The following MFHAS1 variants were observed in gnomAD, a reference collection of about 807,000 sequenced individuals.
MFHAS1 encodes the protein malignant fibrous histiocytoma-amplified sequence 1.
In MFHAS1, 50 loss-of-function variants were observed where a neutral mutation model predicts 70.4. That is an observed-to-expected ratio of 0.71 (90% CI 0.57 to 0.90). The LOEUF is 0.90. MFHAS1 is among the 40% of genes least tolerant of loss of function. MFHAS1 has a pLI of 0.00. For synonymous variants in MFHAS1, 952 were observed against 620.0 expected, an observed-to-expected ratio of 1.54 and a Z score of -7.96; for missense variants, 1,795 against 1,347.6, an observed-to-expected ratio of 1.33 and a Z score of -5.20.
chr8:8,878,457 A>C (rs1809380326), intron 1 of MFHAS1, among the ~76,000 whole-genome samples: 1 of 152,206 alleles, frequency 6.6e-6, no homozygotes, highest in Non-Finnish European at 1.5e-5. Flanking sequence ...AACATGAGAA[A>C]ACGTCAACAT....
At chr8:8,808,219 C>T (rs1396457736) in intron 1 of MFHAS1, among the ~76,000 whole-genome samples, 1 of 150,818 alleles carries the variant, frequency 6.6e-6, no homozygotes, top group Non-Finnish European at 1.5e-5. Flanking sequence ...TGTAGACGCT[C>T]CCCTGGGAAC....
At chr8:8,886,660 C>T (rs1369971886) in intron 1 of MFHAS1, among the ~76,000 whole-genome samples, 1 of 152,104 alleles carries the variant, frequency 6.6e-6, no homozygotes, top group Non-Finnish European at 1.5e-5. Flanking sequence ...TCAAGAGAGA[C>T]AGTAATTTAC....
At chr8:8,796,321 C>T (rs1268874699) in intron 2 of MFHAS1, among the ~76,000 whole-genome samples, 1 of 152,180 alleles carries the variant, frequency 6.6e-6, no homozygotes, top group African/African-American at 2.4e-5. Flanking sequence ...TGACTTTCTG[C>T]AGGCTTTGCT....
intron 1 of MFHAS1, among the ~76,000 whole-genome samples, chr8:8,841,568 G>A (rs539223164): frequency 6.6e-6 from 1 of 152,146 alleles, no homozygotes; most frequent in Non-Finnish European, 1.5e-5. Flanking sequence ...GAATGTAAGA[G>A]GCCTTGTGAG....
In MFHAS1 at chr8:8,892,489, G is replaced by A. The variant is rs751114867; in HGVS notation, c.570C>T (p.His190=). The A allele has an allele frequency of 6.2e-7, 1 of 1,605,962 alleles. No individual in the cohort carries two copies. Among genetic ancestry groups the A allele is most frequent in the African/African-American group, 1.3e-5 (1 of 74,932 alleles). The change falls in exon 1 of 3, where the codon CAC becomes CAT. Residue 190 remains histidine, a synonymous_variant. Coordinates refer to ENST00000276282, the MANE Select transcript of MFHAS1 (RefSeq NM_004225.3). This position sits in a 1 kb window ranked among gnomAD's most constrained non-coding sequence, Gnocchi z 4.7. ...LSRLRTLDVD[H]NQLTAFPRQL... ...GCCGGGGGAAGGCAGTGAGCTGGTT[G>A]TGATCCACGTCCAGGGTGCGCAGGC...
At position 8,892,606 on chromosome 8, in the gene MFHAS1, G is replaced by A. The variant is rs780165367; in HGVS notation, c.453C>T (p.Pro151=). Residue 151 remains proline (P), a synonymous_variant, in exon 1 of 3, where the codon CCC becomes CCT. Transcript: ENST00000276282. This position sits in a 1 kb window ranked among gnomAD's most constrained non-coding sequence, Gnocchi z 4.7. ...NLSHNQLPAL[P]AQLGALAHLE... ...GGTGAGCGAGAGCGCCCAGCTGGGC[G>A]GGCAGGGCGGGCAGCTGGTTGTGGC... is the stretch of plus-strand genomic sequence containing the variant. 9 of 1,608,112 alleles carry A rather than the reference G, an allele frequency of 5.6e-6. No individual in the cohort carries two copies. The highest frequency in any genetic ancestry group is 3.4e-5 in the Admixed American group (2 of 59,044).
At chr8:8,793,513 T>C (rs760180660) in intron 2 of MFHAS1, among the ~76,000 whole-genome samples, 10 of 152,206 alleles carry the variant, frequency 6.6e-5, no homozygotes, top group Admixed American at 5.9e-4. Context: ...CTAGGGTAAT[T>C]ATTCTGGTCT....
intron 1 of MFHAS1, among the ~76,000 whole-genome samples, chr8:8,807,041 A>G (rs890949395): frequency 6.6e-6 from 1 of 152,038 alleles, no homozygotes; most frequent in African/African-American, 2.4e-5. Context: ...TGTTGGGGGT[A>G]TAGAAAATCA....
At chr8:8,806,050 C>G (rs746619317) in intron 1 of MFHAS1, among the ~76,000 whole-genome samples, 1 of 152,128 alleles carries the variant, frequency 6.6e-6, no homozygotes, top group Non-Finnish European at 1.5e-5. Context: ...TCATACAAAT[C>G]CAATCCTCTG....
chr8:8,881,151 T>C (rs545244015), intron 1 of MFHAS1, among the ~76,000 whole-genome samples: 1 of 152,302 alleles, frequency 6.6e-6, no homozygotes, highest in South Asian at 2.1e-4. Flanking sequence ...AGAAAAAAAC[T>C]TGTTGGTGAT....
chr8:8,829,526 C>G (rs1171244230), intron 1 of MFHAS1, among the ~76,000 whole-genome samples: 1 of 152,142 alleles, frequency 6.6e-6, no homozygotes, highest in African/African-American at 2.4e-5. Flanking sequence ...ACTAAAAATA[C>G]AAAAATTAGC....
chr8:8,862,394 T>TG (rs1808700553), intron 1 of MFHAS1, among the ~76,000 whole-genome samples: 3 of 151,846 alleles, frequency 2.0e-5, no homozygotes, highest in Admixed American at 6.6e-5. Flanking sequence ...AGAGGTTTTT[T>TG]TTTTTTAATC....
At chr8:8,816,722 A>T (rs1806761066) in intron 1 of MFHAS1, among the ~76,000 whole-genome samples, 1 of 152,238 alleles carries the variant, frequency 6.6e-6, no homozygotes, top group African/African-American at 2.4e-5. Context: ...GACACTACCT[A>T]CCAATGGTTA....
chr8:8,860,634 G>A (rs553415074), intron 1 of MFHAS1, among the ~76,000 whole-genome samples: 31 of 152,262 alleles, frequency 2.0e-4, no homozygotes, highest in African/African-American at 6.3e-4. Flanking sequence ...AGTGACAGCC[G>A]CTTTCCCAAA....
intron 1 of MFHAS1, among the ~76,000 whole-genome samples, chr8:8,866,518 A>G (rs943168195): frequency 6.6e-6 from 1 of 151,920 alleles, no homozygotes; most frequent in South Asian, 2.1e-4. Context: ...GGGTTTTGCC[A>G]TGTTGCCCAG....
chr8:8,818,322 A>G (rs1410333909), intron 1 of MFHAS1, among the ~76,000 whole-genome samples: 1 of 152,224 alleles, frequency 6.6e-6, no homozygotes, highest in Non-Finnish European at 1.5e-5. Context: ...AAGCAAAGTC[A>G]TACATCACAG....
At chr8:8,812,409 C>T (rs987851620) in intron 1 of MFHAS1, among the ~76,000 whole-genome samples, 2 of 152,116 alleles carry the variant, frequency 1.3e-5, no homozygotes, top group Non-Finnish European at 2.9e-5. Flanking sequence ...GGAGATCTTT[C>T]TTTCTGCAAT....
intron 1 of MFHAS1, among the ~76,000 whole-genome samples, chr8:8,814,604 C>T (rs1230352052): frequency 1.3e-5 from 2 of 152,132 alleles, no homozygotes; most frequent in African/African-American, 4.8e-5. Context: ...AGACAAGTCA[C>T]AGACTGGGAG....
intron 1 of MFHAS1, among the ~76,000 whole-genome samples, chr8:8,802,167 G>A (rs573474387): frequency 6.6e-6 from 1 of 152,106 alleles, no homozygotes; most frequent in South Asian, 2.1e-4. Context: ...CCAGAAGGGA[G>A]GGACAATTAT....
Sources: gnomAD v4.1 joint callset for allele counts (sites outside exome capture counted in the v4.1 genomes callset) on GRCh38, gnomAD v4.1.1 for gene constraint, Gnocchi (gnomAD v3.1) non-coding constraint, MANE v1.5 for transcripts, NCBI Gene and HGNC (gene_info 2026-07-23, HGNC 2026-07-21) for gene names.